The following CLYBL variants were observed in gnomAD, a reference collection of about 807,000 sequenced individuals.
CLYBL encodes citramalyl-CoA lyase, also known as citramalyl-CoA lyase, mitochondrial.
CLYBL carries 31 observed loss-of-function variants against 38.9 expected under a neutral mutation model. The ratio of observed to expected loss-of-function variants is 0.80; its 90% CI spans 0.60 to 1.08. The LOEUF is 1.08. CLYBL is among the 50% of genes least tolerant of loss of function. The pLI is 0.00. For synonymous variants in CLYBL, 171 were observed against 158.6 expected (o/e 1.08, Z -0.59); for missense variants, 434 against 411.6 (o/e 1.05, Z -0.47).
intron 1 of CLYBL, among the ~76,000 whole-genome samples, chr13:99,749,340 C>CT (rs2048913309): frequency 6.6e-6 from 1 of 152,118 alleles, no homozygotes; most frequent in Admixed American, 6.5e-5. Flanking sequence ...AAGGATTCTG[C>CT]TTTTTTCTTG....
At chr13:99,636,631 ATC>A (rs2047021804) in intron 1 of CLYBL, among the ~76,000 whole-genome samples, 1 of 151,716 alleles carries the variant, frequency 6.6e-6, no homozygotes, top group East Asian at 1.9e-4. Flanking sequence ...TTAGAGAGAG[ATC>A]TCTGATTTTA....
intron 2 of CLYBL, among the ~76,000 whole-genome samples, chr13:99,839,346 C>A (rs1053011147): frequency 1.3e-5 from 2 of 152,228 alleles, no homozygotes; most frequent in Admixed American, 6.5e-5. Context: ...ACCACACTTA[C>A]ATATCTGAAG....
intron 1 of CLYBL, among the ~76,000 whole-genome samples, chr13:99,637,926 G>A (rs945967872): frequency 6.9e-5 from 10 of 145,278 alleles, no homozygotes; most frequent in African/African-American, 2.0e-4. Context: ...AGCCAGTTAC[G>A]GATCATTCTT....
chr13:99,659,938 A>G (rs911021013), intron 1 of CLYBL, among the ~76,000 whole-genome samples: 1 of 152,200 alleles, frequency 6.6e-6, no homozygotes, highest in African/African-American at 2.4e-5. Flanking sequence ...TGGGCATAAT[A>G]TCACCTGGAT....
intron 2 of CLYBL, among the ~76,000 whole-genome samples, chr13:99,847,587 G>A (rs2051235948): frequency 6.6e-6 from 1 of 152,144 alleles, no homozygotes; most frequent in Non-Finnish European, 1.5e-5. Flanking sequence ...CACGTGCCAG[G>A]GAGTGGGTCC....
At chr13:99,827,627 G>A (rs748693810) in intron 2 of CLYBL, among the ~76,000 whole-genome samples, 5 of 152,170 alleles carry the variant, frequency 3.3e-5, no homozygotes, top group African/African-American at 4.8e-5. Flanking sequence ...CACACTGCCC[G>A]CTCTCAGCCC....
intron 1 of CLYBL, among the ~76,000 whole-genome samples, chr13:99,754,087 CAA>C (rs71121003): frequency 0.016 from 739 of 45,266 alleles, 1 homozygote; most frequent in East Asian, 0.036. Flanking sequence ...AACTCGGTCT[CAA>C]AAAAAAAAAA....
At position 99,736,038 on chromosome 13, in the gene CLYBL, C is replaced by CTTTTTTTTTTT. The variant is rs767129851; in HGVS notation, c.63-36772_63-36762dup. Among the ~76,000 whole-genome samples, 166 of 76,192 alleles carry CTTTTTTTTTTT rather than the reference C, an allele frequency of 2.2e-3. 2 individuals carry two copies. Among genetic ancestry groups the CTTTTTTTTTTT allele is most frequent in the East Asian group, 4.8e-3 (11 of 2,272 alleles). The allele number at this position is 76,192 out of a possible 152,430, so 50.0% of individuals were successfully genotyped here. A position where few individuals can be genotyped will look rare whatever the true frequency, so the allele number is the denominator to read the frequency against. ...TTACTATATCCTATACGTTTCTTTT[C>CTTTTTTTTTTT]TTTTTTTTTTTTTTTTTTTTTTTTG... is the stretch of plus-strand genomic sequence containing the variant. On this transcript the variant is annotated intron_variant, in intron 1 of 8. Coordinates refer to ENST00000339105, the MANE Select transcript of CLYBL (RefSeq NM_206808.5).
chr13:99,751,272 G>T (rs1207357868), intron 1 of CLYBL, among the ~76,000 whole-genome samples: 1 of 152,048 alleles, frequency 6.6e-6, no homozygotes, highest in Non-Finnish European at 1.5e-5. Flanking sequence ...CCAGGCTGGA[G>T]TGTAATGGTG....
intron 2 of CLYBL, among the ~76,000 whole-genome samples, chr13:99,803,643 A>G (rs1222154391): frequency 6.6e-6 from 1 of 152,236 alleles, no homozygotes; most frequent in African/African-American, 2.4e-5. Context: ...CAAAGAAAAT[A>G]TGTATGTAAA....
intron 2 of CLYBL, among the ~76,000 whole-genome samples, chr13:99,802,473 G>T (rs2050155016): frequency 6.6e-6 from 1 of 152,080 alleles, no homozygotes; most frequent in South Asian, 2.1e-4. Context: ...CCAGACTCTA[G>T]TTGAAGTTCA....
At chr13:99,901,637 ATTTTTTTGT>A (rs1469568383), downstream of CLYBL, among the ~76,000 whole-genome samples, 101 of 65,530 alleles carry the variant, frequency 1.5e-3, no homozygotes, top group African/African-American at 5.3e-3. Context: ...GGTTTTTTGG[ATTTTTTTGT>A]TTTTTTTTTT....
intron 2 of CLYBL, among the ~76,000 whole-genome samples, chr13:99,858,119 A>G (rs938721432): frequency 2.0e-5 from 3 of 152,190 alleles, no homozygotes; most frequent in Non-Finnish European, 4.4e-5. Context: ...GGTTTCATAT[A>G]GTTTTTCTGG....
At chr13:99,775,839 T>C (rs34127469) in intron 2 of CLYBL, among the ~76,000 whole-genome samples, 44,711 of 151,832 alleles carry the variant, frequency 0.29, 8,165 homozygotes, top group Middle Eastern at 0.43. Context: ...TAGAAACTTC[T>C]GGAAAGCCAA....
Position 99,857,749 on chromosome 13 carries a change from G to A in CLYBL, c.250-1112G>A, listed in dbSNP as rs146610631. 1.9e-3 allele frequency among the ~76,000 whole-genome samples: 294 copies of A among 152,100 alleles called. 2 individuals are homozygous for A. Among genetic ancestry groups the A allele is most frequent in the African/African-American group, 7.0e-3 (290 of 41,492 alleles). On this transcript the variant is annotated intron_variant, in intron 2 of 8. Coordinates refer to ENST00000339105, the MANE Select transcript of CLYBL (RefSeq NM_206808.5). ...TATTTGGCTTAAATAATTCTTTTTTGTCTCTGCTTTGGTTTGCTATTTTCC... is the reference window on the plus strand; with the variant it reads ...TATTTGGCTTAAATAATTCTTTTTTATCTCTGCTTTGGTTTGCTATTTTCC...
chr13:99,607,481 A>G (rs749850834), intron 1 of CLYBL, among the ~76,000 whole-genome samples: 5 of 152,202 alleles, frequency 3.3e-5, no homozygotes, highest in Admixed American at 6.5e-5. Flanking sequence ...GACCCTCTCA[A>G]CGGGTCTCAG....
exon 10 of CLYBL, among the ~76,000 whole-genome samples, chr13:99,908,229 T>C (rs560682367): frequency 2.0e-5 from 3 of 152,318 alleles, no homozygotes; most frequent in African/African-American, 4.8e-5. Context: ...TCCAGCTCTG[T>C]GCTCTCAGAA....
intron 1 of CLYBL, among the ~76,000 whole-genome samples, chr13:99,633,306 G>A (rs2046974754): frequency 6.6e-6 from 1 of 151,116 alleles, no homozygotes; most frequent in Non-Finnish European, 1.5e-5. Context: ...TTGAGAGGCA[G>A]AAGTGGGCGG....
intron 2 of CLYBL, among the ~76,000 whole-genome samples, chr13:99,818,704 A>T (rs549955773): frequency 6.6e-6 from 1 of 152,296 alleles, no homozygotes; most frequent in South Asian, 2.1e-4. Flanking sequence ...TGAGATTGAA[A>T]TGTGGTGTGT....
Sources: allele counts gnomAD v4.1 joint callset (sites outside exome capture counted in the v4.1 genomes callset), GRCh38; gene constraint gnomAD v4.1.1; transcripts MANE v1.5; gene names NCBI Gene and HGNC (gene_info 2026-07-23, HGNC 2026-07-21).